The following CNTN4 variants were observed in gnomAD, a reference collection of about 807,000 sequenced individuals.
CNTN4 encodes contactin-4.
CNTN4 carries 77 observed loss-of-function variants against 122.5 expected under a neutral mutation model. The ratio of observed to expected loss-of-function variants is 0.63; its 90% CI spans 0.52 to 0.76. The LOEUF is 0.76. Among genes scored for constraint, CNTN4 ranks in the 30% least tolerant of loss-of-function variants. The pLI is 0.00. For missense variants in CNTN4, 1,256 were observed against 1,259.1 expected (o/e 1.00, Z 0.04); for synonymous variants, 512 against 447.0 (o/e 1.15, Z -1.83).
rs142848132 is a variant in CNTN4 at position 2,973,175 on chromosome 3, T to C, written c.1359-15170T>C. The stretch of plus-strand genomic sequence containing the variant: ...CTACCTAGGGAAGAAAATAGTTGAG[T>C]CTAATTATTTAGAAACGAGAGGAGG... On this transcript the variant is annotated intron_variant, in intron 13 of 24. Coordinates refer to ENST00000418658, the MANE Select transcript of CNTN4 (RefSeq NM_175607.3). Among the ~76,000 whole-genome samples, 70 of 152,122 alleles carry C rather than the reference T, an allele frequency of 4.6e-4. 1 individual carries two copies. Among genetic ancestry groups the C allele is most frequent in the African/African-American group, 1.6e-3 (68 of 41,448 alleles).
intron 6 of CNTN4, among the ~76,000 whole-genome samples, chr3:2,788,472 T>A (rs1204870138): frequency 2.0e-5 from 3 of 152,218 alleles, no homozygotes; most frequent in Non-Finnish European, 4.4e-5. Flanking sequence ...TTCACAACAT[T>A]CTTACTGAAT....
intron 2 of CNTN4, among the ~76,000 whole-genome samples, chr3:2,217,140 C>G (rs1040120337): frequency 2.0e-5 from 3 of 152,142 alleles, no homozygotes; most frequent in Non-Finnish European, 2.9e-5. Context: ...GAAATTCAGT[C>G]TGCTTCCCGG....
chr3:3,014,388 T>A (rs561612818), intron 14 of CNTN4, among the ~76,000 whole-genome samples: 7 of 152,304 alleles, frequency 4.6e-5, no homozygotes, highest in African/African-American at 1.7e-4. Flanking sequence ...CTGACTTAAA[T>A]TTCAGGCACC....
At chr3:2,551,256 G>T (rs1053311943) in intron 3 of CNTN4, among the ~76,000 whole-genome samples, 1 of 152,070 alleles carries the variant, frequency 6.6e-6, no homozygotes, top group Admixed American at 6.6e-5. Context: ...GAAATGGTAT[G>T]GTTTTTTTGA....
chr3:2,430,017 C>T lies in CNTN4; in HGVS notation c.-89+90784C>T, dbSNP rs910096511. ...GAATTCCCGGACCCCTTGCGCTTCC[C>T]GGGTGAGGTGATGCCTCGCTCTGCT... On this transcript the variant is annotated intron_variant, in intron 3 of 24. Coordinates refer to ENST00000418658, the MANE Select transcript of CNTN4 (RefSeq NM_175607.3). 5.3e-5 allele frequency among the ~76,000 whole-genome samples: 8 copies of T among 152,260 alleles called. No homozygotes were observed. The East Asian group carries it at 7.7e-4, about 15-fold the overall frequency.
At chr3:2,404,644 C>A (rs1216486110) in intron 3 of CNTN4, among the ~76,000 whole-genome samples, 3 of 152,122 alleles carry the variant, frequency 2.0e-5, no homozygotes, top group Non-Finnish European at 4.4e-5. Flanking sequence ...GGGTAATCTC[C>A]CTGTTGTAAA....
At chr3:2,921,249 C>T (rs571448040) in intron 12 of CNTN4, among the ~76,000 whole-genome samples, 98 of 152,172 alleles carry the variant, frequency 6.4e-4, no homozygotes, top group Non-Finnish European at 1.2e-3. Context: ...GTCACCGAGG[C>T]TGGTCTTGAA....
chr3:2,386,844 G>A (rs951940793), intron 3 of CNTN4, among the ~76,000 whole-genome samples: 15 of 152,274 alleles, frequency 9.9e-5, no homozygotes, highest in African/African-American at 3.6e-4. Flanking sequence ...ATTTAATTGA[G>A]CATTGGAGAT....
chr3:2,971,316 C>T (rs1423024459), intron 13 of CNTN4, among the ~76,000 whole-genome samples: 1 of 141,980 alleles, frequency 7.0e-6, no homozygotes, highest in Non-Finnish European at 1.6e-5. Context: ...AACTGTATAT[C>T]TATCTATCTA....
At chr3:2,581,114 G>T (rs1328368538) in intron 4 of CNTN4, among the ~76,000 whole-genome samples, 2 of 152,154 alleles carry the variant, frequency 1.3e-5, no homozygotes, top group Admixed American at 6.5e-5. Context: ...GGATTTTGGG[G>T]CTCAGGCCCA....
At position 2,560,822 on chromosome 3, in the gene CNTN4, G is replaced by A. The variant is rs551992671; in HGVS notation, c.-88-10594G>A. On this transcript the variant is annotated intron_variant, in intron 3 of 24. Transcript: ENST00000418658. ...TATTCATTGCTGTATCGTACTGCAC[G>A]TCAGTTACTAGATGTTCAGTCACTA... 3.3e-5 allele frequency among the ~76,000 whole-genome samples: 5 copies of A among 152,110 alleles called. No individual in the cohort carries two copies. The South Asian group carries it at 6.2e-4, about 19-fold the overall frequency.
At chr3:2,386,998 C>T (rs2046278391) in intron 3 of CNTN4, among the ~76,000 whole-genome samples, 1 of 152,148 alleles carries the variant, frequency 6.6e-6, no homozygotes, top group Non-Finnish European at 1.5e-5. Flanking sequence ...AGGAAGACTA[C>T]CTAAAGGGAA....
intron 2 of CNTN4, among the ~76,000 whole-genome samples, chr3:2,246,573 A>G (rs1478614765): frequency 2.6e-5 from 4 of 152,010 alleles, no homozygotes; most frequent in African/African-American, 9.7e-5. Flanking sequence ...TTGTTAGTAA[A>G]TGTAGTATTT....
At chr3:2,472,774 C>G (rs1186658945) in intron 3 of CNTN4, among the ~76,000 whole-genome samples, 1 of 152,230 alleles carries the variant, frequency 6.6e-6, no homozygotes, top group East Asian at 1.9e-4. Flanking sequence ...TCCTCTAATT[C>G]CAACATAAGG....
intron 3 of CNTN4, among the ~76,000 whole-genome samples, chr3:2,542,718 T>C (rs188686812): frequency 8.5e-4 from 130 of 152,206 alleles, no homozygotes; most frequent in Non-Finnish European, 1.3e-3. Flanking sequence ...TTCTCTTCTT[T>C]CGTAAATGAA....
intron 13 of CNTN4, chr3:2,927,324 C>G (rs999768823): frequency 2.2e-6 from 1 of 456,082 alleles, no homozygotes; most frequent in Non-Finnish European, 4.4e-6. Context: ...GGTAGTGGCT[C>G]TGCTCCTCTC....
intron 3 of CNTN4, among the ~76,000 whole-genome samples, chr3:2,417,303 C>T (rs955457447): frequency 2.0e-5 from 3 of 152,164 alleles, no homozygotes; most frequent in South Asian, 2.1e-4. Flanking sequence ...AGAATCCAGT[C>T]CCTTCAGTCT....
chr3:2,120,405 AT>A lies in CNTN4; in HGVS notation c.-145+19783del, dbSNP rs57112843. The stretch of plus-strand genomic sequence containing the variant: ...TATATATATATATATATATATATAT[AT>A]TTTTTTTTTTTTTTTTATGCAGAGT... On this transcript the variant is annotated intron_variant, in intron 2 of 24. Coordinates refer to ENST00000418658, the MANE Select transcript of CNTN4 (RefSeq NM_175607.3). 6.4e-3 allele frequency among the ~76,000 whole-genome samples: 261 copies of A among 40,800 alleles called. 1 individual carries two copies. The highest frequency in any genetic ancestry group is 0.017 in the Middle Eastern group (1 of 58). 26.8% of individuals were successfully genotyped at this position (40,800 alleles called of 152,430 possible).
At chr3:2,189,973 C>G (rs1295998608) in intron 2 of CNTN4, among the ~76,000 whole-genome samples, 1 of 152,168 alleles carries the variant, frequency 6.6e-6, no homozygotes, top group Non-Finnish European at 1.5e-5. Flanking sequence ...ACCAGTGTCT[C>G]CTCATACAGG....
Sources: gnomAD v4.1 joint callset for allele counts (sites outside exome capture counted in the v4.1 genomes callset) on GRCh38, gnomAD v4.1.1 for gene constraint, MANE v1.5 for transcripts, NCBI Gene and HGNC (gene_info 2026-07-23, HGNC 2026-07-21) for gene names.